EML5: variants seen among roughly 807,000 people sequenced by gnomAD.
EML5 encodes echinoderm microtubule-associated protein-like 5.
EML5 carries 120 observed loss-of-function variants against 250.0 expected under a neutral mutation model. The ratio of observed to expected loss-of-function variants is 0.48; its 90% CI spans 0.41 to 0.56. The LOEUF is 0.56. Among genes scored for constraint, EML5 ranks in the 20% least tolerant of loss-of-function variants. The probability of loss-of-function intolerance (pLI) is 0.00; values close to 1 mark genes in which losing one functional copy is unlikely to be tolerated. For synonymous variants in EML5, 771 were observed against 806.5 expected (o/e 0.96, Z 0.75); for missense variants, 2,006 against 2,437.6 (o/e 0.82, Z 3.73).
chr14:88,767,505 T>G lies in EML5; in HGVS notation c.198-12834A>C, dbSNP rs190618831. Among the ~76,000 whole-genome samples, 9 of 152,300 alleles carry G rather than the reference T, an allele frequency of 5.9e-5. No homozygotes were observed. In the East Asian group the frequency reaches 1.7e-3, roughly 29 times the overall value. ...ATCATATACTTCCCACAACTGGGCC[T>G]GCCTCTGGACAAAAAGCATTTTTCC... On this transcript the variant is annotated intron_variant, in intron 1 of 43. Coordinates refer to ENST00000554922, the MANE Select transcript of EML5 (RefSeq NM_183387.3).
At chr14:88,681,320 C>T (rs2092708367) in intron 21 of EML5, among the ~76,000 whole-genome samples, 2 of 152,274 alleles carry the variant, frequency 1.3e-5, no homozygotes, top group South Asian at 4.1e-4. Flanking sequence ...TCATTTTAAA[C>T]TTGGAATTGG....
Position 88,616,557 on chromosome 14 carries a change from G to A in EML5, c.5796+169C>T, listed in dbSNP as rs1019779790. The A allele has an allele frequency of 1.3e-5, 9 of 678,902 alleles. No individual in the cohort carries two copies. In the African/African-American group the frequency reaches 1.4e-4, roughly 11 times the overall value. 42.1% of individuals were successfully genotyped at this position (678,902 alleles called of 1,614,324 possible). A position where few individuals can be genotyped will look rare whatever the true frequency, so the allele number is the denominator to read the frequency against. On this transcript the variant is annotated intron_variant, in intron 42 of 43. Coordinates refer to ENST00000554922, the MANE Select transcript of EML5 (RefSeq NM_183387.3). ...GTTCCAAAGATGGTATTACTCGAGG[G>A]AGAGGATTTGTTTCTAATAGCTTTT... is the stretch of plus-strand genomic sequence containing the variant.
intron 17 of EML5, among the ~76,000 whole-genome samples, chr14:88,689,246 T>C (rs1457671662): frequency 6.6e-6 from 1 of 152,198 alleles, no homozygotes; most frequent in African/African-American, 2.4e-5. Flanking sequence ...CTGGGAGTAG[T>C]AATAGGGTAA....
intron 17 of EML5, 83 bp from the exon 18 acceptor site, chr14:88,688,556 T>C (rs1249652035): frequency 1.4e-6 from 2 of 1,390,272 alleles, no homozygotes; most frequent in East Asian, 2.3e-5. Flanking sequence ...TCTACTGTTG[T>C]TGTTGTTGTT....
In EML5 at chr14:88,740,615, T is replaced by C. The variant is rs149982514; in HGVS notation, c.526-43A>G. On this transcript the variant is annotated intron_variant, in intron 4 of 43. Transcript: ENST00000554922. ...TAATCAAATTACCAAAGAATTCTTA[T>C]AAAATAAAGTAAAACATTCCCAATA... 4.6e-5 allele frequency: 67 copies of C among 1,452,608 alleles called. No individual in the cohort carries two copies. In the Middle Eastern group the frequency reaches 3.7e-3, roughly 80 times the overall value. The allele number at this position is 1,452,608 out of a possible 1,614,324, so 90.0% of individuals were successfully genotyped here.
intron 42 of EML5, 129 bp from the exon 43 acceptor site, chr14:88,616,371 T>G: frequency 1.1e-6 from 1 of 885,962 alleles, no homozygotes; most frequent in Non-Finnish European, 1.8e-6. Flanking sequence ...AGCCAGTGAT[T>G]AGAATGCTTT....
chr14:88,763,271 GAAGAA>G (rs1238951276), intron 1 of EML5, among the ~76,000 whole-genome samples: 2 of 151,786 alleles, frequency 1.3e-5, no homozygotes, highest in East Asian at 3.9e-4. Context: ...GACTAATAAA[GAAGAA>G]AAGAGAGAAG....
At chr14:88,722,433 C>T (rs2093604582) in intron 8 of EML5, among the ~76,000 whole-genome samples, 1 of 152,080 alleles carries the variant, frequency 6.6e-6, no homozygotes, top group Admixed American at 6.6e-5. Context: ...ACTATGCAGC[C>T]ATAAAAAGGA....
At chr14:88,682,718 T>C (rs993729191) in intron 20 of EML5, among the ~76,000 whole-genome samples, 7 of 152,192 alleles carry the variant, frequency 4.6e-5, no homozygotes, top group Non-Finnish European at 7.3e-5. Context: ...TAAATTCTTG[T>C]TGAGCTCAGC....
intron 21 of EML5, among the ~76,000 whole-genome samples, chr14:88,675,739 GA>G (rs1196911244): frequency 3.9e-5 from 6 of 152,126 alleles, no homozygotes; most frequent in South Asian, 4.1e-4. Flanking sequence ...CAAATTTCCT[GA>G]ACTTTTATGC....
intron 8 of EML5, among the ~76,000 whole-genome samples, chr14:88,717,376 A>G (rs2093514324): frequency 6.6e-6 from 1 of 152,216 alleles, no homozygotes; most frequent in African/African-American, 2.4e-5. Context: ...TGGGGGCCTC[A>G]TATGTCTTAT....
At chr14:88,618,180 ACTGGC>A in intron 41 of EML5, 43 bp downstream of exon 41, 2 of 1,512,368 alleles carry the variant, frequency 1.3e-6, no homozygotes, top group Non-Finnish European at 1.8e-6. Flanking sequence ...GGATTTTCTA[ACTGGC>A]CTTCAAAGTC....
intron 8 of EML5, among the ~76,000 whole-genome samples, chr14:88,718,649 G>A (rs551975825): frequency 6.6e-6 from 1 of 152,246 alleles, no homozygotes; most frequent in Admixed American, 6.5e-5. Flanking sequence ...AAAGCAGAAG[G>A]CATATAGGAA....
intron 35 of EML5, 59 bp from the exon 36 acceptor site, chr14:88,625,186 T>C: frequency 3.2e-6 from 5 of 1,576,308 alleles, no homozygotes; most frequent in South Asian, 1.2e-5. Context: ...AGAGTTTAAA[T>C]AGATAATTTT....
chr14:88,724,728 AT>A (rs2093641287), intron 8 of EML5, among the ~76,000 whole-genome samples: 2 of 152,348 alleles, frequency 1.3e-5, no homozygotes, highest in South Asian at 4.1e-4. Context: ...AATGAAGCTG[AT>A]CATGAATATT....
At chr14:88,721,727 A>C (rs2093592178) in intron 8 of EML5, among the ~76,000 whole-genome samples, 1 of 152,198 alleles carries the variant, frequency 6.6e-6, no homozygotes, top group African/African-American at 2.4e-5. Flanking sequence ...TCATGAAGAA[A>C]TCGCTAAAAG....
intron 21 of EML5, 54 bp from the exon 22 acceptor site, chr14:88,665,543 T>C: frequency 6.2e-7 from 1 of 1,607,162 alleles, no homozygotes; most frequent in South Asian, 1.1e-5. Flanking sequence ...ATTTAAAGTA[T>C]GGGCCAGGTG....
intron 25 of EML5, among the ~76,000 whole-genome samples, chr14:88,659,394 T>A (rs972157491): frequency 6.6e-5 from 10 of 152,196 alleles, no homozygotes; most frequent in African/African-American, 1.9e-4. Context: ...CTGTTTTTAA[T>A]AGAGACGGGG....
chr14:88,685,612 T>C (rs1195489480), intron 19 of EML5, among the ~76,000 whole-genome samples: 3 of 151,876 alleles, frequency 2.0e-5, no homozygotes, highest in African/African-American at 4.8e-5. Context: ...CATACATCAT[T>C]CCATATATTT....
Sources: allele counts gnomAD v4.1 joint callset (sites outside exome capture counted in the v4.1 genomes callset), GRCh38; gene constraint gnomAD v4.1.1; transcripts MANE v1.5; gene names NCBI Gene and HGNC (gene_info 2026-07-23, HGNC 2026-07-21).